MTMR8: variants seen among roughly 807,000 people sequenced by gnomAD.
MTMR8 encodes myotubularin related protein 8, also known as phosphatidylinositol-3,5-bisphosphate 3-phosphatase MTMR8.
In MTMR8, 65 loss-of-function variants were observed where a neutral mutation model predicts 39.3. The ratio of observed to expected loss-of-function variants is 1.65; its 90% CI spans 1.35 to 2.03. The LOEUF is 2.03. MTMR8 is among the 30% of genes most tolerant of loss of function. MTMR8 has a pLI of 0.00. For synonymous variants in MTMR8, 245 were observed against 185.2 expected (o/e 1.32, Z -2.62); for missense variants, 777 against 538.9 (o/e 1.44, Z -4.37).
At chrX:64,304,925 T>C (rs1320652774) in intron 12 of MTMR8, 9 of 86,613 alleles carry the variant, frequency 1.0e-4, no homozygotes, top group African/African-American at 3.5e-4. Context: ...CATATATATA[T>C]ACACATATAC....
At chrX:64,336,222 G>T (rs1923070096) in intron 9 of MTMR8, 94 bp from the exon 10 acceptor site, 2 of 560,026 alleles carry the variant, frequency 3.6e-6, no homozygotes, top group Non-Finnish European at 5.7e-6. Flanking sequence ...TGCTGAAATA[G>T]TTGAACTGAT....
chrX:64,288,305 A>G (rs889275880), intron 12 of MTMR8, among the ~76,000 whole-genome samples: 30 of 111,253 alleles, frequency 2.7e-4, no homozygotes, highest in African/African-American at 9.8e-4. Context: ...ATGCAAATCA[A>G]AACCACTATG....
intron 9 of MTMR8, 25 bp downstream of exon 9, chrX:64,337,243 A>C (rs762888527): frequency 2.8e-5 from 33 of 1,187,600 alleles, no homozygotes; most frequent in Non-Finnish European, 3.7e-5. Context: ...TACACAAAGT[A>C]AAATATAGTA....
chrX:64,359,678 A>T, intron 1 of MTMR8, 151 bp from the exon 2 acceptor site: 1 of 455,565 alleles, frequency 2.2e-6, no homozygotes, highest in South Asian at 6.5e-5. Context: ...TATGATCTGT[A>T]TTACCTTTTC....
At chrX:64,364,806 A>C (rs1217753963) in intron 1 of MTMR8, among the ~76,000 whole-genome samples, 1 of 111,780 alleles carries the variant, frequency 8.9e-6, no homozygotes, top group Non-Finnish European at 1.9e-5. Flanking sequence ...TCAGTAATAA[A>C]CTTCTACGAG....
intron 4 of MTMR8, among the ~76,000 whole-genome samples, chrX:64,351,629 C>T (rs976450630): frequency 9.0e-6 from 1 of 111,323 alleles, no homozygotes; most frequent in African/African-American, 3.3e-5. Flanking sequence ...CATTCCGAGT[C>T]CCAAAACCTC....
In MTMR8 at chrX:64,367,196, A is replaced by G. The variant is rs545381058; in HGVS notation, c.25-7669T>C. On this transcript the variant is annotated intron_variant, in intron 1 of 13. Transcript: ENST00000374852. ...ACCAGAGGTAAAAAGAGGAGCTGGC[A>G]CCATCCTTTCTGAAACTATTCAAAT... is the stretch of plus-strand genomic sequence containing the variant. 6.2e-5 allele frequency among the ~76,000 whole-genome samples: 7 copies of G among 112,144 alleles called. No individual in the cohort carries two copies. The East Asian group carries it at 2.0e-3, about 31-fold the overall frequency.
chrX:64,335,687 C>T (rs888640747), intron 10 of MTMR8, among the ~76,000 whole-genome samples: 2 of 111,574 alleles, frequency 1.8e-5, no homozygotes, highest in African/African-American at 6.5e-5. Context: ...CTCTGAATGA[C>T]CTCATCATTC....
At chrX:64,384,274 G>T (rs1924503929) in intron 1 of MTMR8, among the ~76,000 whole-genome samples, 1 of 111,779 alleles carries the variant, frequency 8.9e-6, no homozygotes, top group Non-Finnish European at 1.9e-5. Context: ...ACCTGCAGCT[G>T]CTCTCACAGG....
intron 2 of MTMR8, among the ~76,000 whole-genome samples, chrX:64,358,878 CATATATAT>C (rs1048275283): frequency 4.7e-5 from 5 of 107,034 alleles, no homozygotes; most frequent in African/African-American, 1.0e-4. Flanking sequence ...CACACACACA[CATATATAT>C]ATACCCAGGT....
At chrX:64,352,691 T>A (rs1446617838) in intron 4 of MTMR8, among the ~76,000 whole-genome samples, 1 of 111,534 alleles carries the variant, frequency 9.0e-6, no homozygotes, top group African/African-American at 3.3e-5. Context: ...TTCCTTCACT[T>A]TTCTAGCCAC....
At chrX:64,343,803 G>A in intron 7 of MTMR8, 83 bp from the exon 8 acceptor site, 7 of 648,105 alleles carry the variant, frequency 1.1e-5, no homozygotes, top group African/African-American at 2.2e-5. Flanking sequence ...TCTCCATATC[G>A]TAAGTGAGGA....
Position 64,268,972 on chromosome X carries a change from C to A in MTMR8, c.1680G>T (p.Gln560His). The A allele has an allele frequency of 8.3e-7, 1 of 1,211,646 alleles. No homozygotes were observed. The highest frequency in any genetic ancestry group is 1.1e-6 in the Non-Finnish European group (1 of 895,361). The change falls in exon 14 of 14, where the codon CAG becomes CAT. Residue 560 changes from glutamine to histidine, a missense_variant. By Grantham distance (24) the Gln-to-His change is conservative. Transcript: ENST00000374852. The stretch of plus-strand genomic sequence containing the variant: ...GATTGGTCAAAGGACTTCCCAGATG[C>A]TGGGATAATATGTTTCCTAATTGAG... Reference protein sequence around the residue: ...TCSQLGNILSQHLGSPLTNPL... With the variant: ...TCSQLGNILSHHLGSPLTNPL...
intron 2 of MTMR8, among the ~76,000 whole-genome samples, chrX:64,357,666 G>A (rs952043937): frequency 2.7e-5 from 3 of 111,474 alleles, no homozygotes; most frequent in East Asian, 2.9e-4. Flanking sequence ...GGCTTCAAGC[G>A]ATCCTTCTTC....
intron 12 of MTMR8, among the ~76,000 whole-genome samples, chrX:64,321,817 T>C (rs945379295): frequency 8.9e-6 from 1 of 112,114 alleles, no homozygotes; most frequent in Non-Finnish European, 1.9e-5. Context: ...GTCTTTATTG[T>C]ATTGAGGTAC....
chrX:64,346,959 C>T (rs1923362488), intron 6 of MTMR8, among the ~76,000 whole-genome samples: 1 of 111,197 alleles, frequency 9.0e-6, no homozygotes, highest in African/African-American at 3.3e-5. Flanking sequence ...CCTTTATGTA[C>T]ATTATCTCAC....
intron 13 of MTMR8, 61 bp from the exon 14 acceptor site, chrX:64,269,104 A>C (rs1931698710): frequency 9.1e-7 from 1 of 1,103,150 alleles, no homozygotes; most frequent in Admixed American, 2.4e-5. Flanking sequence ...CTAGGCAAAC[A>C]TTACCTTGAT....
intron 12 of MTMR8, among the ~76,000 whole-genome samples, chrX:64,315,427 G>A (rs1287241304): frequency 8.9e-6 from 1 of 111,793 alleles, no homozygotes; most frequent in Non-Finnish European, 1.9e-5. Flanking sequence ...TCCCTCTGAA[G>A]ATCTTCTAGG....
chrX:64,340,844 A>C (rs1396750938), intron 8 of MTMR8, among the ~76,000 whole-genome samples: 2 of 111,929 alleles, frequency 1.8e-5, no homozygotes, highest in Non-Finnish European at 3.8e-5. Flanking sequence ...ATCACCTATC[A>C]CATTGGCAAA....
Sources: allele counts gnomAD v4.1 joint callset (sites outside exome capture counted in the v4.1 genomes callset), GRCh38; gene constraint gnomAD v4.1.1; transcripts MANE v1.5; gene names NCBI Gene and HGNC (gene_info 2026-07-23, HGNC 2026-07-21).